Variants in SIPA1L1 observed in about 807,000 individuals in gnomAD.
SIPA1L1 encodes signal induced proliferation associated 1 like 1.
Under a neutral mutation model 162.7 loss-of-function variants are expected in SIPA1L1, and 26 were observed. The ratio of observed to expected loss-of-function variants is 0.16; its 90% CI spans 0.12 to 0.22. The LOEUF (loss-of-function observed/expected upper bound fraction) is 0.22, where lower values mean the gene tolerates loss of function less well. SIPA1L1 is among the 10% of genes least tolerant of loss of function. The probability of loss-of-function intolerance (pLI) is 1.00; values close to 1 mark genes in which losing one functional copy is unlikely to be tolerated. For synonymous variants in SIPA1L1, 829 were observed against 837.4 expected, an observed-to-expected ratio of 0.99 and a Z score of 0.17; for missense variants, 1,874 against 2,241.0, an observed-to-expected ratio of 0.84 and a Z score of 3.31.
At chr14:71,482,393 G>A (rs2048418061) in intron 2 of SIPA1L1, among the ~76,000 whole-genome samples, 1 of 152,088 alleles carries the variant, frequency 6.6e-6, no homozygotes, top group African/African-American at 2.4e-5. Context: ...TCAAGTGCTG[G>A]GTTTAGCGAT....
At chr14:71,707,895 A>G (rs1829647942) in intron 16 of SIPA1L1, among the ~76,000 whole-genome samples, 1 of 151,918 alleles carries the variant, frequency 6.6e-6, no homozygotes, top group South Asian at 2.1e-4. Context: ...AACATTCATT[A>G]TCATCTGGCT....
chr14:71,411,758 C>G (rs1296992830), intron 2 of SIPA1L1, among the ~76,000 whole-genome samples: 4 of 152,234 alleles, frequency 2.6e-5, no homozygotes, highest in Non-Finnish European at 5.9e-5. Context: ...CCCACAGCCC[C>G]TGGCCCGCTT....
At chr14:71,574,457 A>C (rs1379623833) in intron 4 of SIPA1L1, 1 of 152,082 alleles carries the variant, frequency 6.6e-6, no homozygotes. Context: ...TGGGCTGTTA[A>C]TTAGGGAGAT....
chr14:71,643,182 A>G (rs2041877184), intron 7 of SIPA1L1, among the ~76,000 whole-genome samples: 2 of 152,210 alleles, frequency 1.3e-5, no homozygotes, highest in African/African-American at 4.8e-5. Context: ...ACCAACAGAT[A>G]TCATAATCAA....
chr14:71,353,774 T>C (rs1321454225), intron 2 of SIPA1L1, among the ~76,000 whole-genome samples: 1 of 152,074 alleles, frequency 6.6e-6, no homozygotes, highest in Non-Finnish European at 1.5e-5. Flanking sequence ...GAAAGAAGAA[T>C]GGCACTAGGT....
At chr14:71,526,389 C>G (rs1408534043) in intron 3 of SIPA1L1, among the ~76,000 whole-genome samples, 5 of 152,138 alleles carry the variant, frequency 3.3e-5, no homozygotes, top group Non-Finnish European at 2.9e-5. Context: ...AACTATTATT[C>G]TGACTTACAT....
At chr14:71,620,668 C>T (rs1294874848) in intron 6 of SIPA1L1, among the ~76,000 whole-genome samples, 1 of 152,194 alleles carries the variant, frequency 6.6e-6, no homozygotes, top group Non-Finnish European at 1.5e-5. Context: ...CCCTTCTCAG[C>T]ATGTCTTGCA....
At chr14:71,561,502 T>A (rs1247191564) in intron 4 of SIPA1L1, among the ~76,000 whole-genome samples, 1 of 152,202 alleles carries the variant, frequency 6.6e-6, no homozygotes, top group East Asian at 1.9e-4. Context: ...TTCCCCAGCA[T>A]TGATTATTGG....
At chr14:71,714,774 G>T (rs1305389582) in intron 17 of SIPA1L1, among the ~76,000 whole-genome samples, 1 of 152,088 alleles carries the variant, frequency 6.6e-6, no homozygotes, top group Non-Finnish European at 1.5e-5. Flanking sequence ...TAGAGACAGG[G>T]TCTCATCATG....
At chr14:71,602,791 G>A (rs564527987) in intron 5 of SIPA1L1, among the ~76,000 whole-genome samples, 3 of 152,198 alleles carry the variant, frequency 2.0e-5, no homozygotes, top group Non-Finnish European at 4.4e-5. Flanking sequence ...AACAGCGTCG[G>A]CATTAAATTC....
chr14:71,520,190 A>T (rs571401117), intron 3 of SIPA1L1, among the ~76,000 whole-genome samples: 1 of 152,180 alleles, frequency 6.6e-6, no homozygotes, highest in Admixed American at 6.5e-5. Context: ...ATAGTTTCAG[A>T]TTACCTCCAT....
At chr14:71,384,526 G>A (rs1036797940) in intron 2 of SIPA1L1, among the ~76,000 whole-genome samples, 2 of 152,190 alleles carry the variant, frequency 1.3e-5, no homozygotes, top group Non-Finnish European at 2.9e-5. Context: ...ACACCCAATA[G>A]AGCCTTTTAT....
At chr14:71,679,454 T>A (rs1440334054) in intron 12 of SIPA1L1, among the ~76,000 whole-genome samples, 1 of 152,170 alleles carries the variant, frequency 6.6e-6, no homozygotes, top group African/African-American at 2.4e-5. Flanking sequence ...TGGAAAGGAA[T>A]AATTGGTACC....
chr14:71,608,294 C>T (rs574355135), intron 5 of SIPA1L1, among the ~76,000 whole-genome samples: 1 of 152,202 alleles, frequency 6.6e-6, no homozygotes, highest in Non-Finnish European at 1.5e-5. Context: ...TCTGCCTTAA[C>T]TGAATTTCTG....
Position 71,739,187 on chromosome 14 carries a change from G to A in SIPA1L1, c.*26G>A. The A allele has an allele frequency of 6.3e-7, 1 of 1,593,672 alleles. No individual in the cohort carries two copies. The highest frequency in any genetic ancestry group is 1.7e-5 in the Admixed American group (1 of 58,034). On this transcript the variant is annotated 3_prime_UTR_variant, in exon 24 of 24. Transcript: ENST00000381232. ...GGAAGGCTGAGGAGGACAGGAGAAG[G>A]GCCCAGACACTCCCTCCAGTGAGTG...
intron 2 of SIPA1L1, among the ~76,000 whole-genome samples, chr14:71,364,612 CTAA>C (rs1441445500): frequency 6.6e-6 from 1 of 152,084 alleles, no homozygotes; most frequent in Non-Finnish European, 1.5e-5. Flanking sequence ...TGGGTTGTTT[CTAA>C]TTTTTGGTGA....
intron 4 of SIPA1L1, among the ~76,000 whole-genome samples, chr14:71,563,352 A>AT (rs1555459572): frequency 2.0e-5 from 3 of 149,518 alleles, no homozygotes; most frequent in Non-Finnish European, 4.5e-5. Flanking sequence ...CTTCTTTAAA[A>AT]TTTTTTCTGT....
intron 2 of SIPA1L1, among the ~76,000 whole-genome samples, chr14:71,411,576 T>C (rs575650131): frequency 1.3e-5 from 2 of 152,338 alleles, no homozygotes; most frequent in South Asian, 2.1e-4. Flanking sequence ...TTCTACTCCG[T>C]TTCAGCTTTG....
chr14:71,396,077 C>T (rs547165657), intron 2 of SIPA1L1, among the ~76,000 whole-genome samples: 1 of 152,098 alleles, frequency 6.6e-6, no homozygotes, highest in Admixed American at 6.5e-5. Context: ...TCCTATCTTG[C>T]TTAAGGTGTC....
Sources: allele counts gnomAD v4.1 joint callset (sites outside exome capture counted in the v4.1 genomes callset), GRCh38; gene constraint gnomAD v4.1.1; transcripts MANE v1.5; gene names NCBI Gene and HGNC (gene_info 2026-07-23, HGNC 2026-07-21).